MAST2: variants seen among roughly 807,000 people sequenced by gnomAD.
MAST2 encodes microtubule-associated serine/threonine-protein kinase 2.
Under a neutral mutation model 147.4 loss-of-function variants are expected in MAST2, and 70 were observed. That is an observed-to-expected ratio of 0.47 (90% confidence interval 0.39 to 0.58). MAST2 has a LOEUF of 0.58. MAST2 is among the 20% of genes least tolerant of loss of function. MAST2 has a pLI of 0.00. For synonymous variants in MAST2, 869 were observed against 896.8 expected, an observed-to-expected ratio of 0.97 and a Z score of 0.55; for missense variants, 2,080 against 2,302.3, an observed-to-expected ratio of 0.90 and a Z score of 1.98.
intron 4 of MAST2, among the ~76,000 whole-genome samples, chr1:45,908,020 T>C (rs1370839464): frequency 1.1e-4 from 16 of 152,192 alleles, no homozygotes; most frequent in Non-Finnish European, 2.4e-4. Flanking sequence ...ATTTCTGATA[T>C]TGATGATTTA....
chr1:45,951,945 G>T (rs1001883881), intron 4 of MAST2, among the ~76,000 whole-genome samples: 1 of 152,220 alleles, frequency 6.6e-6, no homozygotes, highest in East Asian at 1.9e-4. Context: ...AGCATGGTGA[G>T]TCCCCACTAT....
At chr1:45,977,293 G>C (rs1269831207) in intron 5 of MAST2, among the ~76,000 whole-genome samples, 1 of 150,274 alleles carries the variant, frequency 6.7e-6, no homozygotes, top group Non-Finnish European at 1.5e-5. Flanking sequence ...TTCGAGACCA[G>C]CCTGGCTGAC....
chr1:45,998,349 C>G (rs1156673722), intron 6 of MAST2, among the ~76,000 whole-genome samples: 1 of 152,202 alleles, frequency 6.6e-6, no homozygotes, highest in Non-Finnish European at 1.5e-5. Flanking sequence ...GCATACAGAG[C>G]CATGCTTACA....
intron 3 of MAST2, 63 bp downstream of exon 3, chr1:45,829,644 C>T (rs1350169900): frequency 1.0e-5 from 15 of 1,477,522 alleles, no homozygotes; most frequent in Non-Finnish European, 1.4e-5. Context: ...TTTGTCATTG[C>T]AACATCTATT....
chr1:45,879,739 A>G (rs973255380), intron 3 of MAST2, among the ~76,000 whole-genome samples: 3 of 152,160 alleles, frequency 2.0e-5, no homozygotes, highest in Non-Finnish European at 2.9e-5. Flanking sequence ...AGGTAAAAAA[A>G]TTTTAAGATA....
At chr1:45,825,392 T>G (rs1175877552) in intron 2 of MAST2, among the ~76,000 whole-genome samples, 1 of 151,990 alleles carries the variant, frequency 6.6e-6, no homozygotes, top group African/African-American at 2.4e-5. Flanking sequence ...CTTGTTTGGT[T>G]TTTCATAACA....
Position 45,984,631 on chromosome 1 carries a change from C to A in MAST2, c.593-13093C>A, listed in dbSNP as rs146594064. Among the ~76,000 whole-genome samples the A allele has an allele frequency of 2.5e-3, 382 of 152,062 alleles. 2 individuals carry two copies. Among genetic ancestry groups the A allele is most frequent in the Non-Finnish European group, 3.6e-3 (248 of 67,984 alleles). Reference sequence around the variant, plus strand: ...GCCTATTTTTTATCTATAATAAAAGCAAGTCAAAATCTAAATTAAAAAACC... The same window carrying A: ...GCCTATTTTTTATCTATAATAAAAGAAAGTCAAAATCTAAATTAAAAAACC... On this transcript the variant is annotated intron_variant, in intron 5 of 28. Transcript: ENST00000361297.
At chr1:45,885,793 A>G (rs1467577638) in intron 4 of MAST2, among the ~76,000 whole-genome samples, 1 of 152,188 alleles carries the variant, frequency 6.6e-6, no homozygotes, top group Non-Finnish European at 1.5e-5. Flanking sequence ...GAGATACAGT[A>G]GTGAATAAAG....
chr1:45,862,700 C>T (rs962601103), intron 3 of MAST2, among the ~76,000 whole-genome samples: 1 of 152,086 alleles, frequency 6.6e-6, no homozygotes, highest in Non-Finnish European at 1.5e-5. Context: ...GAACTCCTGA[C>T]CTCAGATGAT....
In MAST2 at chr1:46,031,432, G is replaced by A; in HGVS notation, c.3034G>A (p.Gly1012Arg). Residue 1012 changes from glycine (G) to arginine (R), a missense_variant, in exon 24 of 29, where the codon GGA becomes AGA. Gly to Arg is a moderately radical substitution (Grantham distance 125, BLOSUM62 -2). Coordinates refer to ENST00000361297, the MANE Select transcript of MAST2 (RefSeq NM_015112.3). The surrounding 1 kb of genome is among the most constrained non-coding windows in gnomAD (Gnocchi z 4.1). Reference sequence around the variant, plus strand: ...CCGTGGGACCTCACAGCTGGCTGAGGGAGCCACAGCCAAGGCCATCAGTGA... The same window carrying A: ...CCGTGGGACCTCACAGCTGGCTGAGAGAGCCACAGCCAAGGCCATCAGTGA... The part of the protein sequence containing the change: ...RGRGTSQLAE[G>R]ATAKAISDLA... 2 of 1,614,002 alleles carry A rather than the reference G, an allele frequency of 1.2e-6. No individual in the cohort carries two copies. The highest frequency in any genetic ancestry group is 1.7e-6 in the Non-Finnish European group (2 of 1,179,924).
Position 46,028,672 on chromosome 1 carries a change from A to C in MAST2, c.2053-96A>C, listed in dbSNP as rs946061250. The stretch of plus-strand genomic sequence containing the variant: ...AGGTGGGCTGAGTCTTCATTCAGAG[A>C]TTCTTCTGCTCGAGATGGGAGCATC... On this transcript the variant is annotated intron_variant, in intron 17 of 28. Transcript: ENST00000361297. 2.3e-6 allele frequency: 3 copies of C among 1,310,918 alleles called. No homozygotes were observed. The African/African-American group carries it at 4.4e-5, about 19-fold the overall frequency. The allele number at this position is 1,310,918 out of a possible 1,614,324, so 81.2% of individuals were successfully genotyped here.
At position 46,022,925 on chromosome 1, in the gene MAST2, G is replaced by A. The variant is rs866126647; in HGVS notation, c.1439G>A (p.Ser480Asn). 2.5e-6 allele frequency: 4 copies of A among 1,614,018 alleles called. No individual in the cohort carries two copies. The African/African-American group carries it at 4.0e-5, about 16-fold the overall frequency. The part of the protein sequence containing the change: ...RDPLEEMAQL[S>N]SCDSPDTPET... ...TTGTTTCCAGAAATGGCCCAGTTGAGCAGCTGTGACAGTCCTGACACTCCA... is the reference window on the plus strand; with the variant it reads ...TTGTTTCCAGAAATGGCCCAGTTGAACAGCTGTGACAGTCCTGACACTCCA... Residue 480 changes from serine to asparagine, a missense_variant, in exon 13 of 29, where the codon AGC becomes AAC. By Grantham distance (46) the Ser-to-Asn change is conservative. This residue lies in a region of MAST2 where 569 missense variants were observed against 642.5 expected (regional missense o/e 0.89). Coordinates refer to ENST00000361297, the MANE Select transcript of MAST2 (RefSeq NM_015112.3).
At chr1:45,901,450 G>A (rs1649749261) in intron 4 of MAST2, among the ~76,000 whole-genome samples, 1 of 152,070 alleles carries the variant, frequency 6.6e-6, no homozygotes, top group African/African-American at 2.4e-5. Flanking sequence ...TTCCAGCTTT[G>A]TTATTTTTGC....
chr1:45,897,462 T>C (rs1265273847), intron 4 of MAST2, among the ~76,000 whole-genome samples: 1 of 152,186 alleles, frequency 6.6e-6, no homozygotes. Flanking sequence ...CTAGGACCAC[T>C]GCATCAGGTA....
intron 3 of MAST2, among the ~76,000 whole-genome samples, chr1:45,839,913 A>G (rs941579149): frequency 3.9e-5 from 6 of 152,238 alleles, no homozygotes; most frequent in Non-Finnish European, 5.9e-5. Flanking sequence ...TGGTGTTGAA[A>G]CAATTCACAC....
At chr1:46,014,652 C>G (rs1433321090) in intron 10 of MAST2, among the ~76,000 whole-genome samples, 1 of 152,010 alleles carries the variant, frequency 6.6e-6, no homozygotes, top group Non-Finnish European at 1.5e-5. Context: ...GCACCCAATA[C>G]AGGAGCACCC....
chr1:45,844,265 A>AATTTTT (rs1374376484), intron 3 of MAST2, among the ~76,000 whole-genome samples: 2 of 151,550 alleles, frequency 1.3e-5, no homozygotes, highest in Non-Finnish European at 2.9e-5. Context: ...ATGCCTGGCT[A>AATTTTT]ATTTTTATTT....
At chr1:45,854,906 G>T (rs1645739814) in intron 3 of MAST2, among the ~76,000 whole-genome samples, 1 of 152,154 alleles carries the variant, frequency 6.6e-6, no homozygotes, top group Non-Finnish European at 1.5e-5. Context: ...CTATAAATTG[G>T]ATACAGATGA....
intron 3 of MAST2, among the ~76,000 whole-genome samples, chr1:45,839,470 G>T (rs1645208265): frequency 6.6e-6 from 1 of 151,714 alleles, no homozygotes; most frequent in Non-Finnish European, 1.5e-5. Flanking sequence ...ATGGGGTTTC[G>T]CCATGTTGCC....
Sources: allele counts gnomAD v4.1 joint callset (sites outside exome capture counted in the v4.1 genomes callset), GRCh38; gene constraint gnomAD v4.1.1; regional missense constraint gnomAD v4.1.1; non-coding constraint Gnocchi (gnomAD v3.1); transcripts MANE v1.5; gene names NCBI Gene and HGNC (gene_info 2026-07-23, HGNC 2026-07-21).